Variants in AFAP1L2 observed in about 807,000 individuals in gnomAD.
AFAP1L2 encodes the protein actin filament associated protein 1 like 2, also known as actin filament-associated protein 1-like 2.
A neutral mutation model predicts 99.3 loss-of-function variants in AFAP1L2; 46 were observed. The ratio of observed to expected loss-of-function variants is 0.46; its 90% CI spans 0.37 to 0.59. The LOEUF is 0.59. AFAP1L2 is among the 20% of genes least tolerant of loss of function. The probability of loss-of-function intolerance (pLI) is 0.00; values close to 1 mark genes in which losing one functional copy is unlikely to be tolerated. For missense variants in AFAP1L2, 959 were observed against 1,034.9 expected (o/e 0.93, Z 1.01); for synonymous variants, 397 against 419.1 (o/e 0.95, Z 0.64).
the AFAP1L2 span, among the ~76,000 whole-genome samples, chr10:114,288,226 C>T: frequency 2.0e-5 from 3 of 152,198 alleles, no homozygotes; most frequent in South Asian, 6.2e-4. Flanking sequence ...CCCAGAGAAG[C>T]TCTGACCCCT....
At chr10:114,404,068 C>A (rs1389310302) in intron 1 of AFAP1L2, among the ~76,000 whole-genome samples, 1 of 152,186 alleles carries the variant, frequency 6.6e-6, no homozygotes, top group Admixed American at 6.5e-5. Flanking sequence ...CAGCTCAGCA[C>A]GGTTCCCACC....
chr10:114,395,626 G>C (rs1018069736), intron 1 of AFAP1L2, among the ~76,000 whole-genome samples: 2 of 152,096 alleles, frequency 1.3e-5, no homozygotes, highest in African/African-American at 2.4e-5. Flanking sequence ...AGAAAAAAAC[G>C]GGGGGTGGAG....
intron 7 of AFAP1L2, among the ~76,000 whole-genome samples, chr10:114,312,961 T>C (rs1463720122): frequency 2.0e-5 from 3 of 152,158 alleles, no homozygotes; most frequent in Admixed American, 6.5e-5. Flanking sequence ...GACCAGTGCC[T>C]CAGGCGGGTA....
Position 114,350,481 on chromosome 10 carries a change from C to T in AFAP1L2, c.17-9750G>A, listed in dbSNP as rs1417219936. Among the ~76,000 whole-genome samples, 11 of 152,248 alleles carry T rather than the reference C, an allele frequency of 7.2e-5. 1 individual carries two copies. The highest frequency in any genetic ancestry group is 2.6e-4 in the Admixed American group (4 of 15,292). On this transcript the variant is annotated intron_variant, in intron 1 of 18. Coordinates refer to ENST00000304129, the MANE Select transcript of AFAP1L2 (RefSeq NM_001001936.3). ...AGGTCGGTGCTTGGAGAACATCTGC[C>T]GAACATAAGGCTTCTAAACAGATAG...
chr10:114,295,327 T>C lies in AFAP1L2; in HGVS notation c.*715A>G. On this transcript the variant is annotated 3_prime_UTR_variant, in exon 19 of 19. Coordinates refer to ENST00000304129, the MANE Select transcript of AFAP1L2 (RefSeq NM_001001936.3). ...ACAGGATTTTAAGCATTTTTTCCTA[T>C]ATATAATACAGCATCACTTAAAATT... 2 of 985,384 alleles carry C rather than the reference T, an allele frequency of 2.0e-6. No homozygotes were observed. Among genetic ancestry groups the C allele is most frequent in the Non-Finnish European group, 2.4e-6 (2 of 829,460 alleles). 61.0% of individuals were successfully genotyped at this position (985,384 alleles called of 1,614,324 possible). A position where few individuals can be genotyped will look rare whatever the true frequency, so the allele number is the denominator to read the frequency against.
intron 1 of AFAP1L2, among the ~76,000 whole-genome samples, chr10:114,370,780 G>C (rs536692077): frequency 5.3e-5 from 8 of 152,126 alleles, no homozygotes; most frequent in Non-Finnish European, 5.9e-5. Context: ...CCTGTGCCCC[G>C]CTTCTGTATC....
intron 8 of AFAP1L2, among the ~76,000 whole-genome samples, chr10:114,309,570 C>T (rs144481290): frequency 6.6e-6 from 1 of 152,242 alleles, no homozygotes; most frequent in Non-Finnish European, 1.5e-5. Flanking sequence ...GATGATCCTC[C>T]TTTTGGCCAG....
At chr10:114,301,190 A>G (rs1370045311) in intron 13 of AFAP1L2, among the ~76,000 whole-genome samples, 164 bp downstream of exon 13, 2 of 152,222 alleles carry the variant, frequency 1.3e-5, no homozygotes, top group African/African-American at 4.8e-5. Flanking sequence ...CATATAGGAG[A>G]CAGCCTTGTT....
intron 1 of AFAP1L2, among the ~76,000 whole-genome samples, chr10:114,389,257 AT>A (rs541345277): frequency 6.6e-6 from 1 of 152,148 alleles, no homozygotes; most frequent in Admixed American, 6.5e-5. Context: ...TCAAAAAAGG[AT>A]TTTTTTAAAA....
At chr10:114,288,412 C>T in the AFAP1L2 span, among the ~76,000 whole-genome samples, 2 of 152,348 alleles carry the variant, frequency 1.3e-5, no homozygotes, top group East Asian at 1.9e-4. Context: ...AATTAGTGCC[C>T]TGCATACTGG....
intron 12 of AFAP1L2, 94 bp downstream of exon 12, chr10:114,302,245 T>G: frequency 6.5e-7 from 1 of 1,540,200 alleles, no homozygotes; most frequent in South Asian, 1.2e-5. Context: ...GGTGGGACCC[T>G]GTGCTCCCTG....
chr10:114,308,020 C>T (rs988070881), intron 9 of AFAP1L2, 111 bp from the exon 10 acceptor site: 35 of 869,416 alleles, frequency 4.0e-5, no homozygotes, highest in Non-Finnish European at 5.3e-5. Flanking sequence ...CATCCCTCCC[C>T]GCTACATATG....
intron 1 of AFAP1L2, among the ~76,000 whole-genome samples, chr10:114,348,907 T>C (rs1454086095): frequency 6.6e-6 from 1 of 152,224 alleles, no homozygotes; most frequent in Non-Finnish European, 1.5e-5. Context: ...CTTTATGAAG[T>C]CTTTTTACCT....
In AFAP1L2 at chr10:114,295,609, G is replaced by T; in HGVS notation, c.*433C>A. 1 of 996,806 alleles carries T rather than the reference G, an allele frequency of 1.0e-6. No homozygotes were observed. Among genetic ancestry groups the T allele is most frequent in the Non-Finnish European group, 1.2e-6 (1 of 837,240 alleles). The allele number at this position is 996,806 out of a possible 1,614,324, so 61.7% of individuals were successfully genotyped here. Reference sequence around the variant, plus strand: ...TTTAATCCCCAACTGCTAAGTATTGGATAAGAGATGATGGCCAGGAGTTTA... The same window carrying T: ...TTTAATCCCCAACTGCTAAGTATTGTATAAGAGATGATGGCCAGGAGTTTA... On this transcript the variant is annotated 3_prime_UTR_variant, in exon 19 of 19. Coordinates refer to ENST00000304129, the MANE Select transcript of AFAP1L2 (RefSeq NM_001001936.3).
At chr10:114,404,966 C>T (rs1441776154), upstream of AFAP1L2, among the ~76,000 whole-genome samples, 5 of 152,172 alleles carry the variant, frequency 3.3e-5, no homozygotes, top group Non-Finnish European at 5.9e-5. Flanking sequence ...GCTTGGCTCC[C>T]GAGCCAGCGC....
At chr10:114,394,139 CG>C (rs947425845) in intron 1 of AFAP1L2, among the ~76,000 whole-genome samples, 6 of 152,200 alleles carry the variant, frequency 3.9e-5, no homozygotes, top group African/African-American at 1.4e-4. Context: ...TGCACTGTGC[CG>C]GGGGGACGAC....
intron 12 of AFAP1L2, 101 bp downstream of exon 12, chr10:114,302,238 G>A: frequency 1.3e-6 from 2 of 1,502,186 alleles, no homozygotes; most frequent in South Asian, 1.2e-5. Flanking sequence ...AGAGTGGGGT[G>A]GGACCCTGTG....
intron 1 of AFAP1L2, among the ~76,000 whole-genome samples, chr10:114,394,937 C>T (rs954673238): frequency 6.6e-6 from 1 of 152,154 alleles, no homozygotes; most frequent in African/African-American, 2.4e-5. Context: ...AACTGTGTCA[C>T]AGCCATACAG....
At chr10:114,300,771 A>C in intron 13 of AFAP1L2, 81 bp from the exon 14 acceptor site, 3 of 1,505,438 alleles carry the variant, frequency 2.0e-6, no homozygotes, top group Non-Finnish European at 2.7e-6. Context: ...CCTGCCTCAC[A>C]GTTCTGGTGC....
Sources: allele counts gnomAD v4.1 joint callset (sites outside exome capture counted in the v4.1 genomes callset), GRCh38; gene constraint gnomAD v4.1.1; transcripts MANE v1.5; gene names NCBI Gene and HGNC (gene_info 2026-07-23, HGNC 2026-07-21).